ACSM1: variants seen among roughly 807,000 people sequenced by gnomAD.
The protein encoded by ACSM1 is acyl-coenzyme A synthetase ACSM1, mitochondrial.
In ACSM1, 79 loss-of-function variants were observed where a neutral mutation model predicts 75.8. The ratio of observed to expected loss-of-function variants is 1.04; its 90% CI spans 0.87 to 1.26. The LOEUF (loss-of-function observed/expected upper bound fraction) is 1.26, where lower values mean the gene tolerates loss of function less well. Ranked by LOEUF, ACSM1 falls within the 50% of genes most tolerant of loss-of-function variation. The pLI, the probability that ACSM1 is intolerant of heterozygous loss-of-function variation, is 0.00. For missense variants in ACSM1, 676 were observed against 720.1 expected (o/e 0.94, Z 0.70); for synonymous variants, 279 against 265.8 (o/e 1.05, Z -0.48).
intron 10 of ACSM1, among the ~76,000 whole-genome samples, chr16:20,631,556 G>A (rs534020484): frequency 9.9e-5 from 15 of 152,274 alleles, no homozygotes; most frequent in African/African-American, 3.4e-4. Context: ...ATATGAAAAA[G>A]ACATATGCAC....
chr16:20,655,273 C>A (rs2018893532), intron 7 of ACSM1, among the ~76,000 whole-genome samples: 1 of 149,928 alleles, frequency 6.7e-6, no homozygotes, highest in Admixed American at 6.6e-5. Flanking sequence ...GGGGAGGGAG[C>A]ACATTAGGAG....
intron 1 of ACSM1, among the ~76,000 whole-genome samples, chr16:20,696,641 T>C (rs1271127253): frequency 6.6e-6 from 1 of 152,232 alleles, no homozygotes; most frequent in Non-Finnish European, 1.5e-5. Context: ...TATGAAATCA[T>C]TTTAAAGAAC....
chr16:20,661,687 C>A (rs918605755), intron 7 of ACSM1, 107 bp downstream of exon 7: 5 of 767,188 alleles, frequency 6.5e-6, no homozygotes, highest in African/African-American at 5.2e-5. Flanking sequence ...ACTTAACACA[C>A]AAACACACAC....
intron 7 of ACSM1, among the ~76,000 whole-genome samples, chr16:20,641,065 G>A (rs2018029753): frequency 6.6e-6 from 1 of 152,226 alleles, no homozygotes; most frequent in Non-Finnish European, 1.5e-5. Flanking sequence ...TTAGGGATTG[G>A]AAGTGAATTG....
At chr16:20,665,417 G>C (rs1422571504) in intron 6 of ACSM1, among the ~76,000 whole-genome samples, 1 of 152,026 alleles carries the variant, frequency 6.6e-6, no homozygotes, top group Non-Finnish European at 1.5e-5. Context: ...TAAATTCTTG[G>C]GAACACACAG....
chr16:20,637,500 A>C, intron 8 of ACSM1, 49 bp from the exon 9 acceptor site: 1 of 1,468,724 alleles, frequency 6.8e-7, no homozygotes, highest in Non-Finnish European at 9.5e-7. Flanking sequence ...GGCCAGGCTG[A>C]TCACAAAGCA....
intron 2 of ACSM1, among the ~76,000 whole-genome samples, chr16:20,689,273 A>G (rs1302374955): frequency 2.0e-5 from 3 of 152,100 alleles, no homozygotes; most frequent in Non-Finnish European, 4.4e-5. Flanking sequence ...TTTAATTCCC[A>G]TGGTAACCAC....
At chr16:20,654,744 G>A (rs1265333931) in intron 7 of ACSM1, among the ~76,000 whole-genome samples, 1 of 151,900 alleles carries the variant, frequency 6.6e-6, no homozygotes, top group Non-Finnish European at 1.5e-5. Context: ...TAAAAAGTCA[G>A]GAAACAGGTG....
chr16:20,642,480 C>T (rs36118125), intron 7 of ACSM1, among the ~76,000 whole-genome samples: 35,909 of 152,152 alleles, frequency 0.24, 5,399 homozygotes, highest in Non-Finnish European at 0.33. Context: ...ATACAAAATT[C>T]TATTCAGAAG....
chr16:20,662,510 C>T (rs1329662770), intron 6 of ACSM1, among the ~76,000 whole-genome samples: 4 of 151,978 alleles, frequency 2.6e-5, no homozygotes, highest in South Asian at 2.1e-4. Flanking sequence ...GTTTTCTTTC[C>T]GAGTTTCAGA....
intron 4 of ACSM1, chr16:20,679,752 C>T (rs907501278): frequency 6.6e-6 from 1 of 152,286 alleles, no homozygotes; most frequent in African/African-American, 2.4e-5. Context: ...ACAACCAGAC[C>T]ACCTATTCGG....
At chr16:20,651,928 T>C (rs1458131844) in intron 7 of ACSM1, among the ~76,000 whole-genome samples, 2 of 152,162 alleles carry the variant, frequency 1.3e-5, no homozygotes, top group South Asian at 2.1e-4. Flanking sequence ...CACAGAATAC[T>C]ATAAAATTTG....
chr16:20,629,635 G>A (rs2017212356), intron 10 of ACSM1, among the ~76,000 whole-genome samples: 1 of 152,170 alleles, frequency 6.6e-6, no homozygotes, highest in South Asian at 2.1e-4. Context: ...GAAGGAATTG[G>A]CTAAGTGGAT....
At chr16:20,685,844 A>AAAAAAAAAAAAAT (rs2079543889) in intron 2 of ACSM1, among the ~76,000 whole-genome samples, 1 of 123,006 alleles carries the variant, frequency 8.1e-6, no homozygotes, top group Non-Finnish European at 1.9e-5. Context: ...AACAAAAAAA[A>AAAAAAAAAAAAAT]AACAAAAAAC....
At chr16:20,663,760 C>G (rs942710791) in intron 6 of ACSM1, among the ~76,000 whole-genome samples, 1 of 152,152 alleles carries the variant, frequency 6.6e-6, no homozygotes, top group African/African-American at 2.4e-5. Flanking sequence ...TGTTTTAGAT[C>G]TTTATCAAGC....
intron 6 of ACSM1, among the ~76,000 whole-genome samples, chr16:20,663,205 T>C (rs2019385993): frequency 6.6e-6 from 1 of 152,122 alleles, no homozygotes; most frequent in Non-Finnish European, 1.5e-5. Flanking sequence ...CATAAATATG[T>C]TCTCCATTAT....
intron 9 of ACSM1, chr16:20,637,103 C>T: frequency 4.0e-6 from 3 of 756,452 alleles, no homozygotes; most frequent in East Asian, 2.5e-5. Flanking sequence ...AAAAGCACCA[C>T]TTGCTAGAGA....
At chr16:20,640,986 T>C (rs2018023764) in intron 7 of ACSM1, among the ~76,000 whole-genome samples, 1 of 152,204 alleles carries the variant, frequency 6.6e-6, no homozygotes, top group South Asian at 2.1e-4. Flanking sequence ...AATAGAACTA[T>C]ACATTCTTTT....
At position 20,664,151 on chromosome 16, in the gene ACSM1, T is replaced by TTATTTATTTATTTATG. The variant is rs1191335780; in HGVS notation, c.913-2279_913-2278insCATAAATAAATAAATA. Among the ~76,000 whole-genome samples, 104 of 149,714 alleles carry TTATTTATTTATTTATG rather than the reference T, an allele frequency of 6.9e-4. 1 individual carries two copies. Among genetic ancestry groups the TTATTTATTTATTTATG allele is most frequent in the Admixed American group, 5.3e-3 (80 of 15,064 alleles). On this transcript the variant is annotated intron_variant, in intron 6 of 13. Transcript: ENST00000520010. ...TTTGTTTTACTAAATTGAATAGTAT[T>TTATTTATTTATTTATG]TATTTATTTATTTATTTATTTATTT...
Sources: gnomAD v4.1 joint callset for allele counts (sites outside exome capture counted in the v4.1 genomes callset) on GRCh38, gnomAD v4.1.1 for gene constraint, MANE v1.5 for transcripts, NCBI Gene and HGNC (gene_info 2026-07-23, HGNC 2026-07-21) for gene names.